The following TYW5 variants were observed in gnomAD, a reference collection of about 807,000 sequenced individuals.
The protein encoded by TYW5 is tRNA wybutosine-synthesizing protein 5.
A neutral mutation model predicts 44.4 loss-of-function variants in TYW5; 36 were observed. The ratio of observed to expected loss-of-function variants is 0.81; its 90% CI spans 0.62 to 1.07. The LOEUF (loss-of-function observed/expected upper bound fraction) is 1.07. TYW5 is among the 50% of genes least tolerant of loss of function. The pLI is 0.00. For missense variants in TYW5, 354 were observed against 365.7 expected (o/e 0.97, Z 0.26); for synonymous variants, 121 against 128.1 (o/e 0.94, Z 0.37).
At chr2:199,945,829 G>A (rs181502229) in intron 2 of TYW5, 1 of 152,352 alleles carries the variant, frequency 6.6e-6, no homozygotes, top group African/African-American at 2.4e-5. Flanking sequence ...TTTCTCCTAG[G>A]TAATGGTACC....
Position 199,931,433 on chromosome 2 carries a change from A to C in TYW5, c.*1634T>G, listed in dbSNP as rs1271769222. On this transcript the variant is annotated 3_prime_UTR_variant, in exon 8 of 8. Coordinates refer to ENST00000354611, the MANE Select transcript of TYW5 (RefSeq NM_001039693.3). ...ATTCTCTTGCTGGTTAAGAAAAAAA[A>C]CAAGATTTATTAAAAACTGACCATA... The C allele has an allele frequency of 6.6e-6, 1 of 152,224 alleles. No individual in the cohort carries two copies. The highest frequency in any genetic ancestry group is 6.5e-5 in the Admixed American group (1 of 15,278). 9.4% of individuals were successfully genotyped at this position (152,224 alleles called of 1,614,324 possible). A position where few individuals can be genotyped will look rare whatever the true frequency, so the allele number is the denominator to read the frequency against.
intron 6 of TYW5, 89 bp downstream of exon 6, chr2:199,936,316 A>C (rs916114634): frequency 9.0e-7 from 1 of 1,105,146 alleles, no homozygotes; most frequent in Non-Finnish European, 1.3e-6. Flanking sequence ...TAAGTACTGA[A>C]GTGTTCTTTT....
chr2:199,930,390 T>A lies in TYW5; in HGVS notation c.*2677A>T, dbSNP rs2077366745. 1 of 152,234 alleles carries A rather than the reference T, an allele frequency of 6.6e-6. No homozygotes were observed. The highest frequency in any genetic ancestry group is 1.5e-5 in the Non-Finnish European group (1 of 68,050). The allele number at this position is 152,234 out of a possible 1,614,324, so 9.4% of individuals were successfully genotyped here. On this transcript the variant is annotated 3_prime_UTR_variant, in exon 8 of 8. Coordinates refer to ENST00000354611, the MANE Select transcript of TYW5 (RefSeq NM_001039693.3). The stretch of plus-strand genomic sequence containing the variant: ...ATCCTTAGAGATAATTATATGCATA[T>A]GCAAATAAGATGTTCACACACCACA...
Position 199,933,179 on chromosome 2 carries a change from A to T in TYW5, c.836T>A (p.Leu279Gln). The change falls in exon 8 of 8, where the codon CTG (leucine) becomes CAG (glutamine). Residue 279 changes from leucine (L) to glutamine (Q), a missense_variant. Physicochemically the swap from Leu to Gln is moderately radical, Grantham distance 113. Transcript: ENST00000354611. ...PTAASRAAQI[L>Q]DRALKTLAEL... ...GGCCAGTGTTTTCAAGGCTCTGTCC[A>T]GAATTTGTGCAGCTCTTGATGCTGC... The T allele has an allele frequency of 6.2e-7, 1 of 1,614,170 alleles. No individual in the cohort carries two copies. Among genetic ancestry groups the T allele is most frequent in the Non-Finnish European group, 8.5e-7 (1 of 1,180,022 alleles).
chr2:199,943,622 C>A, intron 3 of TYW5, 143 bp downstream of exon 3: 1 of 631,688 alleles, frequency 1.6e-6, no homozygotes. Context: ...AGCAGAGCTA[C>A]AGTCTGTGGT....
rs114714072 is a variant in TYW5, at chr2:199,943,462, C to T, written c.303+303G>A. 973 of 228,066 alleles carry T rather than the reference C, an allele frequency of 4.3e-3. 11 individuals are homozygous for T. Among genetic ancestry groups the T allele is most frequent in the African/African-American group, 0.021 (924 of 43,750 alleles). 14.1% of individuals were successfully genotyped at this position (228,066 alleles called of 1,614,324 possible). On this transcript the variant is annotated intron_variant, in intron 3 of 7. Transcript: ENST00000354611. The stretch of plus-strand genomic sequence containing the variant: ...TAACATTTAATGCGTAATTTCTATA[C>T]ATCAGGCACACTGCTAAGTATTTTA...
In TYW5 at chr2:199,955,479, A is replaced by G. The variant is rs767946227; in HGVS notation, c.-9T>C. On this transcript the variant is annotated 5_prime_UTR_variant, in exon 1 of 8. Transcript: ENST00000354611. The stretch of plus-strand genomic sequence containing the variant: ...AGGTGCTGCCCGGCCATGGTTGCTC[A>G]CGCCTGCCCTCTTCCAGGTCTTCGG... 2 of 1,613,296 alleles carry G rather than the reference A, an allele frequency of 1.2e-6. No individual in the cohort carries two copies. The highest frequency in any genetic ancestry group is 1.7e-6 in the Non-Finnish European group (2 of 1,179,786).
chr2:199,950,624 G>A (rs2077537088), intron 1 of TYW5, among the ~76,000 whole-genome samples: 2 of 152,126 alleles, frequency 1.3e-5, no homozygotes, highest in South Asian at 4.1e-4. Flanking sequence ...CCCAGTATGA[G>A]TGAGTGCATG....
At chr2:199,943,652 G>T in intron 3 of TYW5, 113 bp downstream of exon 3, 3 of 819,272 alleles carry the variant, frequency 3.7e-6, no homozygotes, top group Non-Finnish European at 5.7e-6. Context: ...CAAATCTTAC[G>T]AATGTCTATC....
chr2:199,933,469 T>C, intron 7 of TYW5, 146 bp from the exon 8 acceptor site: 3 of 677,744 alleles, frequency 4.4e-6, no homozygotes, highest in South Asian at 4.2e-5. Context: ...ACTCCAGGCT[T>C]TTAACAGAAT....
At chr2:199,951,994 G>A (rs1039892058) in intron 1 of TYW5, among the ~76,000 whole-genome samples, 7 of 151,210 alleles carry the variant, frequency 4.6e-5, no homozygotes, top group Non-Finnish European at 1.0e-4. Context: ...TCCAGCCTGG[G>A]TGACAGAGCA....
At chr2:199,936,588 T>A in intron 5 of TYW5, 96 bp from the exon 6 acceptor site, 1 of 959,938 alleles carries the variant, frequency 1.0e-6, no homozygotes, top group Non-Finnish European at 1.6e-6. Flanking sequence ...CCCGATCCTT[T>A]AATGAGACTT....
Position 199,931,390 on chromosome 2 carries a change from G to A in TYW5, c.*1677C>T, listed in dbSNP as rs2077376543. 6.6e-6 allele frequency: 1 copy of A among 151,898 alleles called. No individual in the cohort carries two copies. Among genetic ancestry groups the A allele is most frequent in the African/African-American group, 2.4e-5 (1 of 41,352 alleles). 9.4% of individuals were successfully genotyped at this position (151,898 alleles called of 1,614,324 possible). Reference sequence around the variant, plus strand: ...CTTCCAAGTTTTCTACATGACTCTGGATTTATACTTTGTATCAATTCTCTT... The same window carrying A: ...CTTCCAAGTTTTCTACATGACTCTGAATTTATACTTTGTATCAATTCTCTT... On this transcript the variant is annotated 3_prime_UTR_variant, in exon 8 of 8. Coordinates refer to ENST00000354611, the MANE Select transcript of TYW5 (RefSeq NM_001039693.3).
At position 199,929,753 on chromosome 2, in the gene TYW5, C is replaced by T. The variant is rs1238188071; in HGVS notation, c.*3314G>A. The stretch of plus-strand genomic sequence containing the variant: ...ATCAAAGTGAGTTAGAAATTAATTA[C>T]AGGACAAATAGAATTCTAATGTATT... On this transcript the variant is annotated 3_prime_UTR_variant, in exon 8 of 8. Transcript: ENST00000354611. Among the ~76,000 whole-genome samples the T allele has an allele frequency of 6.6e-6, 1 of 151,920 alleles. No homozygotes were observed. Among genetic ancestry groups the T allele is most frequent in the East Asian group, 1.9e-4 (1 of 5,194 alleles).
chr2:199,933,624 G>A (rs1339989437), intron 7 of TYW5, among the ~76,000 whole-genome samples: 4 of 152,106 alleles, frequency 2.6e-5, no homozygotes, highest in East Asian at 1.9e-4. Flanking sequence ...CTAATCTAGG[G>A]CTGTGTTTTG....
At chr2:199,936,209 A>G (rs2105692473) in intron 6 of TYW5, among the ~76,000 whole-genome samples, 162 bp from the exon 7 acceptor site, 1 of 152,322 alleles carries the variant, frequency 6.6e-6, no homozygotes, top group Middle Eastern at 3.4e-3. Flanking sequence ...ACAATTTTCA[A>G]TGACTCACTC....
At chr2:199,949,916 AT>A (rs1372814457) in intron 1 of TYW5, among the ~76,000 whole-genome samples, 1 of 152,176 alleles carries the variant, frequency 6.6e-6, no homozygotes, top group East Asian at 1.9e-4. Context: ...TACCCAAATT[AT>A]CCCAGATTTG....
intron 5 of TYW5, among the ~76,000 whole-genome samples, chr2:199,937,900 T>TC (rs1296880781): frequency 9.0e-6 from 1 of 111,324 alleles, no homozygotes; most frequent in African/African-American, 3.1e-5. Context: ...AACTTAAAAA[T>TC]TTTTTTTTCT....
rs2077357129 is a variant in TYW5, at chr2:199,929,506, C to A, written c.*3561G>T. Among the ~76,000 whole-genome samples, 2 of 150,990 alleles carry A rather than the reference C, an allele frequency of 1.3e-5. No individual in the cohort carries two copies. The highest frequency in any genetic ancestry group is 2.9e-5 in the Non-Finnish European group (2 of 67,914). On this transcript the variant is annotated 3_prime_UTR_variant, in exon 8 of 8. Coordinates refer to ENST00000354611, the MANE Select transcript of TYW5 (RefSeq NM_001039693.3). ...TTTTTAGCACTGGGGAAAGGAGTCA[C>A]AGCAGCACAGTTCCAATTCCATCCA... is the stretch of plus-strand genomic sequence containing the variant.
Sources: allele counts gnomAD v4.1 joint callset (sites outside exome capture counted in the v4.1 genomes callset), GRCh38; gene constraint gnomAD v4.1.1; transcripts MANE v1.5; gene names NCBI Gene and HGNC (gene_info 2026-07-23, HGNC 2026-07-21).